Variants in METTL22 observed in about 807,000 individuals in gnomAD.
METTL22 encodes methyltransferase-like protein 22.
In METTL22, 51 loss-of-function variants were observed where a neutral mutation model predicts 48.4. That is an observed-to-expected ratio of 1.05 (90% CI 0.84 to 1.33). The LOEUF (loss-of-function observed/expected upper bound fraction) is 1.33. Among genes scored for constraint, METTL22 ranks in the 40% most tolerant of loss-of-function variants. The pLI, the probability that METTL22 is intolerant of heterozygous loss-of-function variation, is 0.00. For synonymous variants in METTL22, 255 were observed against 214.1 expected, an observed-to-expected ratio of 1.19 and a Z score of -1.67; for missense variants, 678 against 526.9, an observed-to-expected ratio of 1.29 and a Z score of -2.81.
At chr16:8,634,161 A>G (rs1459311217) in intron 3 of METTL22, among the ~76,000 whole-genome samples, 2 of 152,268 alleles carry the variant, frequency 1.3e-5, no homozygotes, top group Non-Finnish European at 2.9e-5. Flanking sequence ...CTAACTGCCC[A>G]TAGGGCTGAA....
At chr16:8,643,160 C>A (rs577670545) in intron 9 of METTL22, among the ~76,000 whole-genome samples, 1 of 152,212 alleles carries the variant, frequency 6.6e-6, no homozygotes, top group Non-Finnish European at 1.5e-5. Flanking sequence ...AGCTGTAAAA[C>A]GAAACAGACT....
downstream of METTL22, among the ~76,000 whole-genome samples, chr16:8,650,695 T>G (rs1229668760): frequency 6.6e-6 from 1 of 152,156 alleles, no homozygotes; most frequent in African/African-American, 2.4e-5. Flanking sequence ...TAAAACACAT[T>G]CATATGCACC....
chr16:8,626,679 C>G (rs537243661), intron 2 of METTL22, among the ~76,000 whole-genome samples: 10 of 150,972 alleles, frequency 6.6e-5, no homozygotes, highest in South Asian at 4.2e-4. Flanking sequence ...GAACTTCTGA[C>G]CTCAGGTGAT....
chr16:8,656,743 G>A, the METTL22 span, among the ~76,000 whole-genome samples: 4 of 152,252 alleles, frequency 2.6e-5, no homozygotes, highest in African/African-American at 9.6e-5. Flanking sequence ...ATTTTGTGCT[G>A]CTATAACAGA....
rs752451985 is a variant in METTL22, at chr16:8,628,746, C to G, written c.150C>G (p.Phe50Leu). 1 of 1,607,456 alleles carries G rather than the reference C, an allele frequency of 6.2e-7. No individual in the cohort carries two copies. Among genetic ancestry groups the G allele is most frequent in the Non-Finnish European group, 8.5e-7 (1 of 1,176,040 alleles). The change falls in exon 3 of 11, where the codon TTC becomes TTG. Residue 50 changes from phenylalanine (F) to leucine (L), a missense_variant. Coordinates refer to ENST00000381920, the MANE Select transcript of METTL22 (RefSeq NM_024109.4). ...GCCTTTCAGTTTTCCTGTCCCAATT[C>G]AAGCTTCTATGGAGCCAAGACTCTT... is the stretch of plus-strand genomic sequence containing the variant. Reference protein sequence around the residue: ...SVGQPVFLSQFKLLWSQDSWT... With the variant: ...SVGQPVFLSQLKLLWSQDSWT...
the METTL22 span, among the ~76,000 whole-genome samples, chr16:8,665,847 T>C: frequency 6.6e-6 from 1 of 152,078 alleles, no homozygotes; most frequent in African/African-American, 2.4e-5. Context: ...TAGTCAGCAG[T>C]TAAGTGTGGA....
chr16:8,642,379 C>G lies in METTL22; in HGVS notation c.908-84C>G. ...CTGCTGTTCCGTGGTGATAAGCATT[C>G]TCTCTGTGCGGATTGCTCTGAAAAG... On this transcript the variant is annotated intron_variant, in intron 8 of 10. Coordinates refer to ENST00000381920, the MANE Select transcript of METTL22 (RefSeq NM_024109.4). The G allele has an allele frequency of 4.4e-6, 6 of 1,369,994 alleles. No homozygotes were observed. In the Admixed American group the frequency reaches 5.0e-5, roughly 11 times the overall value. 84.9% of individuals were successfully genotyped at this position (1,369,994 alleles called of 1,614,324 possible). A position where few individuals can be genotyped will look rare whatever the true frequency, so the allele number is the denominator to read the frequency against.
At chr16:8,655,275 TA>T in the METTL22 span, among the ~76,000 whole-genome samples, 18 of 152,208 alleles carry the variant, frequency 1.2e-4, no homozygotes, top group Admixed American at 1.2e-3. Flanking sequence ...AAGGTTCAAC[TA>T]AGAGTGGATC....
At chr16:8,625,834 T>C (rs756591704) in intron 2 of METTL22, 36 bp downstream of exon 2, 1 of 1,609,888 alleles carries the variant, frequency 6.2e-7, no homozygotes. Flanking sequence ...GCGGATCCTA[T>C]TTTGTTTTCT....
chr16:8,649,855 T>G (rs2056868371), downstream of METTL22, among the ~76,000 whole-genome samples: 1 of 151,892 alleles, frequency 6.6e-6, no homozygotes, highest in Non-Finnish European at 1.5e-5. Flanking sequence ...TCCCCAAAGC[T>G]TCTCAAACTA....
intron 5 of METTL22, among the ~76,000 whole-genome samples, chr16:8,637,983 C>T (rs931376247): frequency 3.5e-4 from 50 of 142,788 alleles, no homozygotes; most frequent in African/African-American, 1.3e-3. Context: ...ACTAAAAATA[C>T]AAAAAAAAAA....
At chr16:8,662,114 T>C in the METTL22 span, among the ~76,000 whole-genome samples, 1 of 145,344 alleles carries the variant, frequency 6.9e-6, no homozygotes, top group Non-Finnish European at 1.5e-5. Context: ...CAGTGGCACG[T>C]GTCCGTAGTC....
At chr16:8,627,805 G>A (rs2056112597) in intron 2 of METTL22, among the ~76,000 whole-genome samples, 1 of 152,158 alleles carries the variant, frequency 6.6e-6, no homozygotes, top group Non-Finnish European at 1.5e-5. Flanking sequence ...GAGTGCGGTG[G>A]TGCAGTCTTG....
intron 5 of METTL22, among the ~76,000 whole-genome samples, chr16:8,638,781 C>T (rs2056500856): frequency 1.3e-5 from 2 of 152,134 alleles, no homozygotes; most frequent in Non-Finnish European, 2.9e-5. Flanking sequence ...TGGCCATAAA[C>T]ATGAAAACGA....
In METTL22 at chr16:8,647,219, C is replaced by T. The variant is rs1218087561; in HGVS notation, c.*1076C>T. On this transcript the variant is annotated 3_prime_UTR_variant, in exon 11 of 11. Transcript: ENST00000381920. ...CTAATCCCTCATGCCAGGGGCCAGG[C>T]ACTTGCAAGTCTAACTTCATCTTCC... 1 of 156,806 alleles carries T rather than the reference C, an allele frequency of 6.4e-6. No individual in the cohort carries two copies. The highest frequency in any genetic ancestry group is 1.4e-5 in the Non-Finnish European group (1 of 70,602). The allele number at this position is 156,806 out of a possible 1,614,324, so 9.7% of individuals were successfully genotyped here.
At chr16:8,632,508 C>T (rs979270879) in intron 3 of METTL22, among the ~76,000 whole-genome samples, 3 of 152,274 alleles carry the variant, frequency 2.0e-5, no homozygotes, top group South Asian at 2.1e-4. Flanking sequence ...CCGGCCATCT[C>T]GACACATTTT....
At chr16:8,640,999 C>T (rs1189878784) in intron 6 of METTL22, 132 bp from the exon 7 acceptor site, 3 of 569,632 alleles carry the variant, frequency 5.3e-6, no homozygotes, top group Non-Finnish European at 8.7e-6. Context: ...GATGGAAGGG[C>T]AGGAAGGTGG....
At chr16:8,639,248 G>A in intron 6 of METTL22, 86 bp downstream of exon 6, 1 of 1,325,822 alleles carries the variant, frequency 7.5e-7, no homozygotes, top group Non-Finnish European at 1.1e-6. Context: ...ACATTGGGAG[G>A]CAGGGCTCCG....
intron 10 of METTL22, chr16:8,645,063 G>A (rs1273926080): frequency 1.6e-5 from 3 of 192,380 alleles, no homozygotes; most frequent in Non-Finnish European, 3.2e-5. Flanking sequence ...GAAGTTTGTG[G>A]GTTGCAGATC....
Sources: gnomAD v4.1 joint callset for allele counts (sites outside exome capture counted in the v4.1 genomes callset) on GRCh38, gnomAD v4.1.1 for gene constraint, MANE v1.5 for transcripts, NCBI Gene and HGNC (gene_info 2026-07-23, HGNC 2026-07-21) for gene names.